The following CAST variants were observed in gnomAD, a reference collection of about 807,000 sequenced individuals.
CAST encodes MIR583 host.
A neutral mutation model predicts 119.6 loss-of-function variants in CAST; 76 were observed. The observed-to-expected ratio is 0.64, with a 90% CI of 0.53 to 0.77. CAST has a LOEUF of 0.77. CAST is among the 30% of genes least tolerant of loss of function. CAST has a pLI of 0.00. For synonymous variants in CAST, 319 were observed against 331.6 expected, an observed-to-expected ratio of 0.96 and a Z score of 0.41; for missense variants, 953 against 946.5, an observed-to-expected ratio of 1.01 and a Z score of -0.09.
At chr5:96,580,136 TG>T (rs1746745137) in intron 1 of CAST, among the ~76,000 whole-genome samples, 1 of 152,232 alleles carries the variant, frequency 6.6e-6, no homozygotes, top group Non-Finnish European at 1.5e-5. Flanking sequence ...GGATTTAATA[TG>T]TCCATAAGAC....
At chr5:96,374,880 A>G in the CAST span, among the ~76,000 whole-genome samples, 1 of 152,118 alleles carries the variant, frequency 6.6e-6, no homozygotes, top group African/African-American at 2.4e-5. Context: ...AATCTCGGGT[A>G]TGATCAGGGC....
At chr5:96,577,761 A>G in intron 1 of CAST, among the ~76,000 whole-genome samples, 1 of 152,046 alleles carries the variant, frequency 6.6e-6, no homozygotes, top group Non-Finnish European at 1.5e-5. Context: ...ATTCTTTCAA[A>G]TTTGTTGGTG....
At chr5:96,680,354 CAAAAA>C (rs71617135) in intron 2 of CAST, among the ~76,000 whole-genome samples, 5 of 29,292 alleles carry the variant, frequency 1.7e-4, no homozygotes, top group African/African-American at 4.5e-4. Flanking sequence ...GACTCTGTCT[CAAAAA>C]AAAAAAAAAA....
At chr5:96,232,138 T>A in the CAST span, among the ~76,000 whole-genome samples, 1 of 152,120 alleles carries the variant, frequency 6.6e-6, no homozygotes, top group African/African-American at 2.4e-5. Flanking sequence ...CCGGGGTCAA[T>A]TTCCATCAGA....
At chr5:96,005,031 T>TGAGA in the CAST span, among the ~76,000 whole-genome samples, 1 of 152,234 alleles carries the variant, frequency 6.6e-6, no homozygotes, top group Admixed American at 6.5e-5. Context: ...TCTAGAATTC[T>TGAGA]GAGAGAAAAT....
the CAST span, among the ~76,000 whole-genome samples, chr5:96,319,243 C>A: frequency 6.6e-6 from 1 of 152,214 alleles, no homozygotes; most frequent in Non-Finnish European, 1.5e-5. Flanking sequence ...CCAAGACATT[C>A]ACAAGGAATC....
At chr5:96,630,597 A>G (rs73134563) in intron 1 of CAST, among the ~76,000 whole-genome samples, 24,021 of 151,980 alleles carry the variant, frequency 0.16, 2,937 homozygotes, top group African/African-American at 0.35. Context: ...GACCAGCCAG[A>G]CCAATATGGT....
At chr5:96,107,975 C>G in the CAST span, among the ~76,000 whole-genome samples, 4 of 152,034 alleles carry the variant, frequency 2.6e-5, no homozygotes, top group East Asian at 7.7e-4. Context: ...TCATTCATTT[C>G]ATCTTCCATT....
the CAST span, among the ~76,000 whole-genome samples, chr5:96,155,335 T>C: frequency 2.6e-5 from 4 of 152,200 alleles, no homozygotes; most frequent in African/African-American, 4.8e-5. Flanking sequence ...CCGCCCATCA[T>C]GCATGGCTTG....
intron 1 of CAST, chr5:96,546,228 T>C (rs1474212651): frequency 6.6e-6 from 1 of 152,064 alleles, no homozygotes; most frequent in Non-Finnish European, 1.5e-5. Flanking sequence ...CTTCAGATAG[T>C]TGGTGGTTTG....
At chr5:96,528,457 GA>G (rs1745634019), upstream of CAST, among the ~76,000 whole-genome samples, 1 of 152,236 alleles carries the variant, frequency 6.6e-6, no homozygotes, top group South Asian at 2.1e-4. Flanking sequence ...AGGACCAGAA[GA>G]AGGCCTTACA....
chr5:96,361,047 AG>A, the CAST span, among the ~76,000 whole-genome samples: 1 of 152,166 alleles, frequency 6.6e-6, no homozygotes, highest in Non-Finnish European at 1.5e-5. Flanking sequence ...GGAGGAATCT[AG>A]AGAGGCAGTC....
the CAST span, among the ~76,000 whole-genome samples, chr5:96,366,467 A>G: frequency 2.0e-5 from 3 of 152,310 alleles, no homozygotes; most frequent in Non-Finnish European, 4.4e-5. Flanking sequence ...AGGTACACCA[A>G]TGAGACGTAG....
At chr5:96,338,699 T>A in the CAST span, among the ~76,000 whole-genome samples, 2 of 152,078 alleles carry the variant, frequency 1.3e-5, no homozygotes, top group Non-Finnish European at 2.9e-5. Flanking sequence ...GGGAAGAGGG[T>A]GCTTGGTGAG....
chr5:96,263,759 A>T, the CAST span, among the ~76,000 whole-genome samples: 1 of 152,228 alleles, frequency 6.6e-6, no homozygotes, highest in Admixed American at 6.5e-5. Flanking sequence ...ATTGACCTAC[A>T]GTTCCACATG....
chr5:96,377,127 G>C, the CAST span, among the ~76,000 whole-genome samples: 1 of 151,884 alleles, frequency 6.6e-6, no homozygotes, highest in Admixed American at 6.6e-5. Flanking sequence ...TATTACAAAA[G>C]AGCCAAATAA....
the CAST span, among the ~76,000 whole-genome samples, chr5:96,233,485 A>T: frequency 6.6e-6 from 1 of 152,148 alleles, no homozygotes; most frequent in Non-Finnish European, 1.5e-5. Context: ...AAAATAAAAA[A>T]ATTGATTCAC....
chr5:96,095,449 T>C, the CAST span, among the ~76,000 whole-genome samples: 1 of 148,294 alleles, frequency 6.7e-6, no homozygotes, highest in Non-Finnish European at 1.5e-5. Context: ...TATTCCCAGC[T>C]ACTTGGGAGG....
the CAST span, among the ~76,000 whole-genome samples, chr5:96,144,286 A>G: frequency 6.6e-6 from 1 of 152,192 alleles, no homozygotes; most frequent in African/African-American, 2.4e-5. Context: ...ATACCAGATG[A>G]CCCATCTTGT....
Sources: allele counts gnomAD v4.1 joint callset (sites outside exome capture counted in the v4.1 genomes callset), GRCh38; gene constraint gnomAD v4.1.1; transcripts MANE v1.5; gene names NCBI Gene and HGNC (gene_info 2026-07-23, HGNC 2026-07-21).